DOCK4: variants seen among roughly 807,000 people sequenced by gnomAD.
DOCK4 encodes dedicator of cytokinesis protein 4.
DOCK4 carries 97 observed loss-of-function variants against 268.1 expected under a neutral mutation model. The observed-to-expected ratio is 0.36, with a 90% confidence interval of 0.31 to 0.43. The LOEUF is 0.43. DOCK4 is among the 20% of genes least tolerant of loss of function. DOCK4 has a pLI of 1.00. For synonymous variants in DOCK4, 954 were observed against 887.2 expected (o/e 1.08, Z -1.34); for missense variants, 2,145 against 2,455.7 (o/e 0.87, Z 2.67).
intron 1 of DOCK4, among the ~76,000 whole-genome samples, chr7:112,075,404 T>C (rs1411459532): frequency 6.6e-6 from 1 of 152,112 alleles, no homozygotes; most frequent in Non-Finnish European, 1.5e-5. Context: ...GCCACACTGA[T>C]GGTAATGAAG....
intron 1 of DOCK4, among the ~76,000 whole-genome samples, chr7:112,181,639 C>CAAAAAAAAAAAAAAAAAAAAAAA (rs55807955): frequency 1.5e-5 from 1 of 65,370 alleles, no homozygotes; most frequent in African/African-American, 6.8e-5. Flanking sequence ...GACACTGTCT[C>CAAAAAAAAAAAAAAAAAAAAAAA]AAAAAAAAAA....
intron 1 of DOCK4, among the ~76,000 whole-genome samples, chr7:112,112,091 G>T (rs1293401159): frequency 1.3e-5 from 2 of 152,110 alleles, no homozygotes; most frequent in South Asian, 4.1e-4. Flanking sequence ...ATATGATTTG[G>T]ATGTGTGTCC....
Position 112,173,064 on chromosome 7 carries a change from A to G in DOCK4, c.37+33038T>C, listed in dbSNP as rs144032969. Reference sequence around the variant, plus strand: ...AGACATTTATAATTTCACTGGTACCAAAGACATCTGGCATGTCAACAGCTC... The same window carrying G: ...AGACATTTATAATTTCACTGGTACCGAAGACATCTGGCATGTCAACAGCTC... On this transcript the variant is annotated intron_variant, in intron 1 of 52. Transcript: ENST00000428084. 9.5e-4 allele frequency among the ~76,000 whole-genome samples: 144 copies of G among 152,346 alleles called. 1 individual carries two copies. The highest frequency in any genetic ancestry group is 3.3e-3 in the African/African-American group (138 of 41,586).
chr7:112,095,561 T>A (rs559683242), intron 1 of DOCK4, among the ~76,000 whole-genome samples: 1 of 152,270 alleles, frequency 6.6e-6, no homozygotes, highest in South Asian at 2.1e-4. Context: ...ATTGTTGTGG[T>A]GATAACTCTA....
At chr7:111,978,352 C>T (rs1348056286) in intron 7 of DOCK4, among the ~76,000 whole-genome samples, 3 of 152,200 alleles carry the variant, frequency 2.0e-5, no homozygotes, top group Non-Finnish European at 4.4e-5. Context: ...CTGCCTTGGC[C>T]TCCAGAGTAC....
At chr7:111,983,455 G>C (rs1416030756) in intron 7 of DOCK4, among the ~76,000 whole-genome samples, 1 of 151,928 alleles carries the variant, frequency 6.6e-6, no homozygotes, top group Non-Finnish European at 1.5e-5. Flanking sequence ...TTATGCTTAG[G>C]GTGATGGTCT....
intron 22 of DOCK4, among the ~76,000 whole-genome samples, chr7:111,866,782 T>C (rs866571730): frequency 1.3e-5 from 2 of 152,246 alleles, no homozygotes; most frequent in Non-Finnish European, 2.9e-5. Flanking sequence ...TTCATCTCTG[T>C]AACTGATAAA....
At chr7:112,135,803 A>G (rs773298219) in intron 1 of DOCK4, among the ~76,000 whole-genome samples, 7 of 151,916 alleles carry the variant, frequency 4.6e-5, no homozygotes, top group South Asian at 2.1e-4. Context: ...AGTACAAATT[A>G]CCCCGAAGTT....
At chr7:112,027,505 A>G (rs561580734) in intron 1 of DOCK4, among the ~76,000 whole-genome samples, 89 of 152,336 alleles carry the variant, frequency 5.8e-4, no homozygotes, top group Non-Finnish European at 1.2e-3. Flanking sequence ...GATTACAGGC[A>G]TGAACCACCA....
chr7:112,097,680 G>T (rs549711837), intron 1 of DOCK4, among the ~76,000 whole-genome samples: 1 of 152,200 alleles, frequency 6.6e-6, no homozygotes, highest in Non-Finnish European at 1.5e-5. Flanking sequence ...ATTCTGATCA[G>T]TATTGTTTGT....
At chr7:112,020,713 G>C (rs1802246176) in intron 1 of DOCK4, among the ~76,000 whole-genome samples, 1 of 149,040 alleles carries the variant, frequency 6.7e-6, no homozygotes, top group South Asian at 2.1e-4. Flanking sequence ...AAAAAATTAA[G>C]GAAATTTAAT....
At chr7:112,086,296 T>C (rs143054645) in intron 1 of DOCK4, among the ~76,000 whole-genome samples, 232 of 152,214 alleles carry the variant, frequency 1.5e-3, no homozygotes, top group African/African-American at 5.1e-3. Context: ...CCCATTTAAA[T>C]ATAGGGACCA....
chr7:112,000,397 G>A, intron 3 of DOCK4, 97 bp downstream of exon 3: 2 of 812,302 alleles, frequency 2.5e-6, no homozygotes, highest in South Asian at 2.0e-5. Context: ...CATTTCAACT[G>A]AGTCCCAACT....
intron 12 of DOCK4, among the ~76,000 whole-genome samples, chr7:111,933,280 A>G (rs187034969): frequency 0.064 from 6,464 of 100,364 alleles, 395 homozygotes; most frequent in Middle Eastern, 0.078. Context: ...ACATATATAC[A>G]TATATATATA....
chr7:111,888,356 A>G lies in DOCK4; in HGVS notation c.1587+7256T>C, dbSNP rs149368908. Among the ~76,000 whole-genome samples, 965 of 151,778 alleles carry G rather than the reference A, an allele frequency of 6.4e-3. 12 individuals carry two copies. Among genetic ancestry groups the G allele is most frequent in the African/African-American group, 0.022 (925 of 41,438 alleles). ...AACTAAGGATTAAGAGATACCTTAGATAACAATGGGAAGAAAATAGAGTGG... is the reference window on the plus strand; with the variant it reads ...AACTAAGGATTAAGAGATACCTTAGGTAACAATGGGAAGAAAATAGAGTGG... On this transcript the variant is annotated intron_variant, in intron 16 of 52. Coordinates refer to ENST00000428084, the MANE Select transcript of DOCK4 (RefSeq NM_001363540.2).
At chr7:112,019,811 A>G (rs1802159591) in intron 1 of DOCK4, among the ~76,000 whole-genome samples, 1 of 152,180 alleles carries the variant, frequency 6.6e-6, no homozygotes. Context: ...TAAACTTTTT[A>G]ATAAATCCAG....
intron 1 of DOCK4, among the ~76,000 whole-genome samples, chr7:112,160,817 C>T (rs1242638630): frequency 3.9e-5 from 6 of 152,184 alleles, no homozygotes; most frequent in South Asian, 2.1e-4. Context: ...GATCCTATCG[C>T]GGCATTCATC....
At chr7:111,898,005 C>G (rs1406150230) in intron 15 of DOCK4, among the ~76,000 whole-genome samples, 1 of 152,140 alleles carries the variant, frequency 6.6e-6, no homozygotes, top group Non-Finnish European at 1.5e-5. Context: ...CACTTTAAAT[C>G]TCTTACTTGG....
intron 1 of DOCK4, among the ~76,000 whole-genome samples, chr7:112,147,615 A>G (rs1815634823): frequency 1.3e-5 from 2 of 152,074 alleles, no homozygotes; most frequent in African/African-American, 4.8e-5. Context: ...TCCTGTGTTC[A>G]GTATAAAATC....
Sources: gnomAD v4.1 joint callset for allele counts (sites outside exome capture counted in the v4.1 genomes callset) on GRCh38, gnomAD v4.1.1 for gene constraint, MANE v1.5 for transcripts, NCBI Gene and HGNC (gene_info 2026-07-23, HGNC 2026-07-21) for gene names.